NRG2: variants seen among roughly 807,000 people sequenced by gnomAD.
The protein encoded by NRG2 is pro-neuregulin-2, membrane-bound isoform.
Under a neutral mutation model 73.9 loss-of-function variants are expected in NRG2, and 27 were observed. The observed-to-expected ratio is 0.37, with a 90% CI of 0.27 to 0.50. NRG2 has a LOEUF of 0.50. Among genes scored for constraint, NRG2 ranks in the 20% least tolerant of loss-of-function variants. NRG2 has a pLI of 0.96. For missense variants in NRG2, 1,126 were observed against 1,210.1 expected, an observed-to-expected ratio of 0.93 and a Z score of 1.03; for synonymous variants, 532 against 541.0, an observed-to-expected ratio of 0.98 and a Z score of 0.23.
intron 1 of NRG2, among the ~76,000 whole-genome samples, chr5:139,898,964 A>G (rs766419210): frequency 1.3e-5 from 2 of 152,020 alleles, no homozygotes; most frequent in Non-Finnish European, 2.9e-5. Context: ...CCTCAACCCC[A>G]TCTCCTCCTC....
intron 1 of NRG2, among the ~76,000 whole-genome samples, chr5:139,975,310 C>T (rs923720537): frequency 5.3e-5 from 8 of 152,216 alleles, no homozygotes; most frequent in Non-Finnish European, 1.2e-4. Context: ...GACCCTTTTG[C>T]CTGTTCTGCA....
chr5:139,990,000 G>T (rs1005372642), intron 1 of NRG2, among the ~76,000 whole-genome samples: 1 of 151,300 alleles, frequency 6.6e-6, no homozygotes, highest in Admixed American at 6.6e-5. Flanking sequence ...ATGTTAGCCA[G>T]GATGGTCTTG....
rs538678489 is a variant in NRG2, at chr5:139,993,908, C to G, written c.700+48462G>C. On this transcript the variant is annotated intron_variant, in intron 1 of 9. Coordinates refer to ENST00000361474, the MANE Select transcript of NRG2 (RefSeq NM_004883.3). Reference sequence around the variant, plus strand: ...TGAAAGGACGCAAGCCAAAGGTTCACAGCAGTCATCACTATTACTGGTATT... The same window carrying G: ...TGAAAGGACGCAAGCCAAAGGTTCAGAGCAGTCATCACTATTACTGGTATT... Among the ~76,000 whole-genome samples, 14 of 152,338 alleles carry G rather than the reference C, an allele frequency of 9.2e-5. No individual in the cohort carries two copies. The East Asian group carries it at 2.5e-3, about 27-fold the overall frequency.
intron 4 of NRG2, among the ~76,000 whole-genome samples, chr5:139,867,030 C>G (rs1264409310): frequency 1.3e-5 from 2 of 152,228 alleles, no homozygotes; most frequent in East Asian, 3.8e-4. Flanking sequence ...GTGTCCCCCT[C>G]AATAATAGGC....
chr5:139,855,982 C>G (rs1189425627), intron 5 of NRG2, among the ~76,000 whole-genome samples: 1 of 152,234 alleles, frequency 6.6e-6, no homozygotes, highest in Non-Finnish European at 1.5e-5. Flanking sequence ...TCCCACCCAC[C>G]CATGGATCTG....
In NRG2 at chr5:139,848,045, A is replaced by T; in HGVS notation, c.2425T>A (p.Ser809Thr). 1 of 1,507,248 alleles carries T rather than the reference A, an allele frequency of 6.6e-7. No homozygotes were observed. The highest frequency in any genetic ancestry group is 1.4e-5 in the African/African-American group (1 of 69,150). The allele number at this position is 1,507,248 out of a possible 1,614,324, so 93.4% of individuals were successfully genotyped here. The change falls in exon 10 of 10, where the codon TCG becomes ACG. Residue 809 changes from serine to threonine, a missense_variant. Physicochemically the swap from Ser to Thr is moderately conservative, Grantham distance 58 (BLOSUM62 1). Around this residue, in one of 3 missense-constraint regions of NRG2, gnomAD observed 402 missense variants for 357.8 expected, o/e 1.12. Transcript: ENST00000361474. ...TCGGCCGCCGGGCACAGTGGCGGCG[A>T]GTCCGAGCGCAGCGCGTCGTGCGCC... ...RGAHDALRSD[S>T]PPLCPAADSR...
chr5:139,908,509 A>T (rs981297897), intron 1 of NRG2, among the ~76,000 whole-genome samples: 3 of 152,192 alleles, frequency 2.0e-5, no homozygotes, highest in African/African-American at 7.2e-5. Context: ...TCACAACACC[A>T]CTATGGAGTA....
intron 1 of NRG2, among the ~76,000 whole-genome samples, chr5:139,956,248 C>T (rs1281546182): frequency 6.6e-6 from 1 of 152,140 alleles, no homozygotes; most frequent in Non-Finnish European, 1.5e-5. Flanking sequence ...CAACACACTG[C>T]ACAATATGGG....
intron 1 of NRG2, among the ~76,000 whole-genome samples, chr5:139,927,592 C>T (rs1006223173): frequency 1.3e-5 from 2 of 151,902 alleles, no homozygotes; most frequent in Non-Finnish European, 1.5e-5. Flanking sequence ...GGAGAAACCC[C>T]GTCTCTACTA....
intron 2 of NRG2, among the ~76,000 whole-genome samples, chr5:139,883,133 G>C (rs973552681): frequency 3.3e-5 from 5 of 152,058 alleles, no homozygotes; most frequent in Non-Finnish European, 5.9e-5. Context: ...GAGGATCCAG[G>C]ACTCTCCTGT....
intron 1 of NRG2, among the ~76,000 whole-genome samples, chr5:139,917,252 CA>C (rs1300303174): frequency 4.6e-5 from 7 of 152,000 alleles, no homozygotes; most frequent in African/African-American, 1.4e-4. Context: ...CATTTTGTTT[CA>C]TTTTTTTTGT....
At chr5:139,944,897 C>T (rs143167668) in intron 1 of NRG2, among the ~76,000 whole-genome samples, 1 of 152,338 alleles carries the variant, frequency 6.6e-6, no homozygotes, top group Non-Finnish European at 1.5e-5. Flanking sequence ...TCCCTTCTCT[C>T]TGCATCTTTA....
In NRG2 at chr5:139,904,547, C is replaced by T. The variant is rs1295735224; in HGVS notation, c.701-17036G>A. ...AGGGGAGCAGCGAGCCTTAACTCTT[C>T]CCCTCCCGCGCCCTCCACCCTCGCC... On this transcript the variant is annotated intron_variant, in intron 1 of 9. Coordinates refer to ENST00000361474, the MANE Select transcript of NRG2 (RefSeq NM_004883.3). This position sits in a 1 kb window ranked among gnomAD's most constrained non-coding sequence, Gnocchi z 6.0. 6.1e-6 allele frequency: 3 copies of T among 494,188 alleles called. No homozygotes were observed. The African/African-American group carries it at 6.1e-5, about 10-fold the overall frequency. The allele number at this position is 494,188 out of a possible 1,614,324, so 30.6% of individuals were successfully genotyped here. A position where few individuals can be genotyped will look rare whatever the true frequency, so the allele number is the denominator to read the frequency against.
At chr5:139,926,699 C>T (rs1369868129) in intron 1 of NRG2, among the ~76,000 whole-genome samples, 1 of 152,142 alleles carries the variant, frequency 6.6e-6, no homozygotes, top group Non-Finnish European at 1.5e-5. Flanking sequence ...GGCAAGGCTG[C>T]CTCTAACCCA....
chr5:139,933,139 G>A (rs1048892454), intron 1 of NRG2, among the ~76,000 whole-genome samples: 6 of 152,172 alleles, frequency 3.9e-5, no homozygotes, highest in Non-Finnish European at 8.8e-5. Flanking sequence ...GCCGAGCATG[G>A]TGGCACCTGC....
intron 1 of NRG2, among the ~76,000 whole-genome samples, chr5:140,000,549 G>C (rs1372241226): frequency 6.6e-6 from 1 of 152,244 alleles, no homozygotes; most frequent in Admixed American, 6.5e-5. Flanking sequence ...AACACCGAAG[G>C]CGGGCAGGCA....
At chr5:139,993,722 T>C (rs1267900930) in intron 1 of NRG2, among the ~76,000 whole-genome samples, 2 of 152,234 alleles carry the variant, frequency 1.3e-5, no homozygotes, top group African/African-American at 2.4e-5. Flanking sequence ...TCAATAAAGA[T>C]TTGTTATATC....
At chr5:140,016,024 A>C (rs1479848945) in intron 1 of NRG2, among the ~76,000 whole-genome samples, 1 of 152,100 alleles carries the variant, frequency 6.6e-6, no homozygotes, top group Non-Finnish European at 1.5e-5. Flanking sequence ...TTCATTCTAC[A>C]CTGGGGAGGA....
intron 1 of NRG2, among the ~76,000 whole-genome samples, chr5:139,933,178 G>A (rs1428852258): frequency 6.6e-6 from 1 of 152,144 alleles, no homozygotes; most frequent in Non-Finnish European, 1.5e-5. Flanking sequence ...AGGAGGCTGA[G>A]GCAGGAGAAT....
Sources: allele counts gnomAD v4.1 joint callset (sites outside exome capture counted in the v4.1 genomes callset), GRCh38; gene constraint gnomAD v4.1.1; regional missense constraint gnomAD v4.1.1; non-coding constraint Gnocchi (gnomAD v3.1); transcripts MANE v1.5; gene names NCBI Gene and HGNC (gene_info 2026-07-23, HGNC 2026-07-21).